ZNF831: variants seen among roughly 807,000 people sequenced by gnomAD.
ZNF831 encodes chromosome 20 open reading frame 174.
In ZNF831, 59 loss-of-function variants were observed where a neutral mutation model predicts 95.8. The observed-to-expected ratio is 0.62, with a 90% CI of 0.50 to 0.77. The LOEUF is 0.77. Among genes scored for constraint, ZNF831 ranks in the 30% least tolerant of loss-of-function variants. The pLI is 0.00. For missense variants in ZNF831, 2,205 were observed against 2,164.0 expected (o/e 1.02, Z -0.38); for synonymous variants, 961 against 925.5 (o/e 1.04, Z -0.70).
At chr20:59,126,869 TGG>T (rs1392047177) in intron 1 of ZNF831, among the ~76,000 whole-genome samples, 1 of 152,224 alleles carries the variant, frequency 6.6e-6, no homozygotes, top group African/African-American at 2.4e-5. Context: ...TTCTGAGCTC[TGG>T]GTGTTGGGCT....
chr20:59,214,752 T>C (rs934710543), intron 4 of ZNF831, among the ~76,000 whole-genome samples: 2 of 152,262 alleles, frequency 1.3e-5, no homozygotes, highest in African/African-American at 4.8e-5. Flanking sequence ...GAAGATTCTC[T>C]GTTGTGGTTA....
chr20:59,166,938 TG>T (rs778033942), intron 1 of ZNF831, among the ~76,000 whole-genome samples: 8 of 152,222 alleles, frequency 5.3e-5, no homozygotes, highest in African/African-American at 1.9e-4. Context: ...GTGAAATAAA[TG>T]CCCAGGAGTG....
At chr20:59,133,414 C>A (rs369289949) in intron 1 of ZNF831, among the ~76,000 whole-genome samples, 2 of 152,180 alleles carry the variant, frequency 1.3e-5, no homozygotes, top group East Asian at 3.9e-4. Flanking sequence ...TAGGAAAACA[C>A]ACCTCCCCCG....
intron 1 of ZNF831, among the ~76,000 whole-genome samples, chr20:59,188,465 A>G (rs1418595018): frequency 2.0e-5 from 3 of 152,180 alleles, no homozygotes; most frequent in Non-Finnish European, 2.9e-5. Context: ...AAAAAAATCT[A>G]TTCAAGTCCT....
At position 59,191,796 on chromosome 20, in the gene ZNF831, G is replaced by T. The variant is rs1294841925; in HGVS notation, c.777G>T (p.Leu259=). Reference sequence around the variant, plus strand: ...ACGTGCCCCTACTTGCCAAGAACCTGGATGTGAGGACCGAAGCTGCTCCCT... The same window carrying T: ...ACGTGCCCCTACTTGCCAAGAACCTTGATGTGAGGACCGAAGCTGCTCCCT... ...GAHVPLLAKN[L]DVRTEAAPCP... The change falls in exon 2 of 6, where the codon CTG becomes CTT. Residue 259 remains leucine, a synonymous_variant. Transcript: ENST00000371030. 1 of 1,613,148 alleles carries T rather than the reference G, an allele frequency of 6.2e-7. No individual in the cohort carries two copies. The highest frequency in any genetic ancestry group is 1.6e-4 in the Middle Eastern group (1 of 6,062).
At chr20:59,235,824 G>A (rs2146710131) in intron 4 of ZNF831, among the ~76,000 whole-genome samples, 1 of 152,232 alleles carries the variant, frequency 6.6e-6, no homozygotes, top group Non-Finnish European at 1.5e-5. Context: ...CCCCCTCAGA[G>A]AACCTTCAAA....
At chr20:59,179,753 A>G (rs1982459747) in intron 1 of ZNF831, among the ~76,000 whole-genome samples, 1 of 152,178 alleles carries the variant, frequency 6.6e-6, no homozygotes, top group East Asian at 1.9e-4. Flanking sequence ...CACTAAATCC[A>G]GTGTGATACC....
In ZNF831 at chr20:59,208,992, G is replaced by A. The variant is rs1298560099; in HGVS notation, c.4027+1936G>A. ...GCTTAGCTCCCCAGGCACTGGACTC[G>A]GCACTGTGACAGGGAGGGGAACTAA... On this transcript the variant is annotated intron_variant, in intron 4 of 5. Coordinates refer to ENST00000371030, the MANE Select transcript of ZNF831 (RefSeq NM_178457.3). The surrounding 1 kb of genome is among the most constrained non-coding windows in gnomAD (Gnocchi z 4.2). 3.3e-5 allele frequency among the ~76,000 whole-genome samples: 5 copies of A among 152,176 alleles called. No individual in the cohort carries two copies. The highest frequency in any genetic ancestry group is 2.1e-4 in the South Asian group (1 of 4,826).
At chr20:59,144,944 T>C (rs1268315027) in intron 1 of ZNF831, among the ~76,000 whole-genome samples, 2 of 152,198 alleles carry the variant, frequency 1.3e-5, no homozygotes, top group Admixed American at 1.3e-4. Context: ...TGTCCCACAG[T>C]GCTTGTTCCT....
At chr20:59,242,904 C>T (rs903219055) in intron 4 of ZNF831, among the ~76,000 whole-genome samples, 3 of 152,166 alleles carry the variant, frequency 2.0e-5, no homozygotes, top group Non-Finnish European at 4.4e-5. Flanking sequence ...GCAGATGAAG[C>T]GCCCTGGTGG....
chr20:59,212,117 A>T (rs1021530495), intron 4 of ZNF831, among the ~76,000 whole-genome samples: 5 of 152,204 alleles, frequency 3.3e-5, no homozygotes, highest in African/African-American at 9.7e-5. Flanking sequence ...GTGATAACTG[A>T]TAATTTTGTC....
intron 4 of ZNF831, among the ~76,000 whole-genome samples, chr20:59,236,991 C>T (rs1226954313): frequency 6.6e-6 from 1 of 152,120 alleles, no homozygotes; most frequent in Non-Finnish European, 1.5e-5. Flanking sequence ...TCCGGAACTC[C>T]AGGACGCATT....
At position 59,194,677 on chromosome 20, in the gene ZNF831, G is replaced by T. The variant is rs1328719498; in HGVS notation, c.3658G>T (p.Gly1220Cys). 6.2e-7 allele frequency: 1 copy of T among 1,612,532 alleles called. No homozygotes were observed. Among genetic ancestry groups the T allele is most frequent in the Non-Finnish European group, 8.5e-7 (1 of 1,179,340 alleles). The change falls in exon 2 of 6, where the codon GGT (glycine) becomes TGT (cysteine). Residue 1220 changes from glycine to cysteine, a missense_variant. By Grantham distance (159) the Gly-to-Cys change is radical. Coordinates refer to ENST00000371030, the MANE Select transcript of ZNF831 (RefSeq NM_178457.3). Reference protein sequence around the residue: ...HFPGSSLRDEGPNGPPGSNGG... With the variant: ...HFPGSSLRDECPNGPPGSNGG... ...TCCTGGTAGCAGCCTCCGAGATGAG[G>T]GTCCCAATGGCCCTCCTGGGAGCAA...
intron 3 of ZNF831, among the ~76,000 whole-genome samples, chr20:59,198,578 CG>C (rs1321393983): frequency 2.6e-5 from 4 of 152,160 alleles, no homozygotes; most frequent in Admixed American, 2.6e-4. Context: ...TGGAACTAGA[CG>C]GCCTCTCCAC....
chr20:59,258,369 A>T lies in ZNF831; in HGVS notation c.*3626A>T, dbSNP rs979282160. Reference sequence around the variant, plus strand: ...TGAAAGATAAACAATTTGCAGTCTCATGCCAAAAAGTATTTCCTTGCATTT... The same window carrying T: ...TGAAAGATAAACAATTTGCAGTCTCTTGCCAAAAAGTATTTCCTTGCATTT... On this transcript the variant is annotated 3_prime_UTR_variant, in exon 6 of 6. Transcript: ENST00000371030. The T allele has an allele frequency of 2.0e-5, 3 of 152,674 alleles. No homozygotes were observed. Among genetic ancestry groups the T allele is most frequent in the Admixed American group, 1.3e-4 (2 of 15,290 alleles). The allele number at this position is 152,674 out of a possible 1,614,324, so 9.5% of individuals were successfully genotyped here. A position where few individuals can be genotyped will look rare whatever the true frequency, so the allele number is the denominator to read the frequency against.
chr20:59,228,840 T>C (rs889640598), intron 4 of ZNF831, among the ~76,000 whole-genome samples: 2 of 152,232 alleles, frequency 1.3e-5, no homozygotes, highest in Admixed American at 6.5e-5. Context: ...CTTCTAGCTA[T>C]TTTGAAATAT....
At position 59,193,281 on chromosome 20, in the gene ZNF831, G is replaced by T. The variant is rs1420195674; in HGVS notation, c.2262G>T (p.Arg754Ser). ...SRSPLVSPNG[R>S]LELGWQMPPA... ...GCCCCCTGGTCTCTCCAAATGGGAG[G>T]CTGGAACTGGGGTGGCAGATGCCCC... Residue 754 changes from arginine to serine, a missense_variant, in exon 2 of 6, where the codon AGG (arginine) becomes AGT (serine). Arg to Ser is a moderately radical substitution (Grantham distance 110). Coordinates refer to ENST00000371030, the MANE Select transcript of ZNF831 (RefSeq NM_178457.3). 1 of 1,610,350 alleles carries T rather than the reference G, an allele frequency of 6.2e-7. No individual in the cohort carries two copies. The highest frequency in any genetic ancestry group is 1.3e-5 in the African/African-American group (1 of 74,960).
chr20:59,226,560 T>C (rs1986444396), intron 4 of ZNF831, among the ~76,000 whole-genome samples: 1 of 151,706 alleles, frequency 6.6e-6, no homozygotes, highest in Non-Finnish European at 1.5e-5. Flanking sequence ...GGCTATCACC[T>C]ATTTTCTCAA....
intron 4 of ZNF831, among the ~76,000 whole-genome samples, chr20:59,250,915 A>C (rs259961): frequency 3.9e-5 from 6 of 152,028 alleles, no homozygotes; most frequent in African/African-American, 1.2e-4. Context: ...AATAAGGGCA[A>C]TTCTAGAAAG....
Sources: gnomAD v4.1 joint callset for allele counts (sites outside exome capture counted in the v4.1 genomes callset) on GRCh38, gnomAD v4.1.1 for gene constraint, Gnocchi (gnomAD v3.1) non-coding constraint, MANE v1.5 for transcripts, NCBI Gene and HGNC (gene_info 2026-07-23, HGNC 2026-07-21) for gene names.